The following DOCK9 variants were observed in gnomAD, a reference collection of about 807,000 sequenced individuals.
The protein encoded by DOCK9 is dedicator of cytokinesis 9.
DOCK9 carries 89 observed loss-of-function variants against 263.3 expected under a neutral mutation model. That is an observed-to-expected ratio of 0.34 (90% CI 0.28 to 0.40). The LOEUF is 0.40. Ranked by LOEUF, DOCK9 falls within the 10% of genes least tolerant of loss-of-function variation. The pLI, the probability that DOCK9 is intolerant of heterozygous loss-of-function variation, is 1.00. For missense variants in DOCK9, 2,140 were observed against 2,603.4 expected, an observed-to-expected ratio of 0.82 and a Z score of 3.87; for synonymous variants, 976 against 973.1, an observed-to-expected ratio of 1.00 and a Z score of -0.06.
rs374781717 is a variant in DOCK9, at chr13:98,977,780, T to C, written c.126+4A>G. 73 of 1,611,718 alleles carry C rather than the reference T, an allele frequency of 4.5e-5. No homozygotes were observed. Among genetic ancestry groups the C allele is most frequent in the African/African-American group, 2.9e-4 (22 of 74,914 alleles). On this transcript the variant is annotated splice_donor_region_variant and intron_variant, in intron 1 of 52. Coordinates refer to ENST00000682017, the MANE Select transcript of DOCK9 (RefSeq NM_001366683.2). ...CAGCAACACTTTGTACGAGACCCTC[T>C]TACCGGCACAGGGCCCGGGCTCTCT... is the stretch of plus-strand genomic sequence containing the variant.
chr13:98,858,840 A>G (rs1412401367), intron 33 of DOCK9: 2 of 152,208 alleles, frequency 1.3e-5, no homozygotes, highest in Admixed American at 6.5e-5. Context: ...GAAGTCCCCA[A>G]TCCTAACAAG....
chr13:98,886,706 C>T, intron 18 of DOCK9, 82 bp from the exon 19 acceptor site: 3 of 1,299,236 alleles, frequency 2.3e-6, no homozygotes, highest in Non-Finnish European at 3.3e-6. Context: ...AAGGAGGAGG[C>T]ATTCCTACGG....
chr13:98,820,718 G>A (rs1330171168), intron 45 of DOCK9: 4 of 412,956 alleles, frequency 9.7e-6, no homozygotes, highest in East Asian at 1.6e-4. Flanking sequence ...GAAAAATCAG[G>A]AACGCCTTTC....
chr13:98,877,576 T>C (rs1439122781), intron 27 of DOCK9, among the ~76,000 whole-genome samples: 1 of 152,136 alleles, frequency 6.6e-6, no homozygotes, highest in Non-Finnish European at 1.5e-5. Flanking sequence ...GTCCTCATTC[T>C]CCTTCTTCAC....
chr13:98,977,758 C>G, intron 1 of DOCK9, 26 bp downstream of exon 1: 2 of 1,609,114 alleles, frequency 1.2e-6, no homozygotes, highest in Non-Finnish European at 1.7e-6. Context: ...GTAGACACAG[C>G]AACACTTTGT....
chr13:99,016,058 G>C (rs1398468042), intron 1 of DOCK9: 2 of 153,326 alleles, frequency 1.3e-5, no homozygotes, highest in African/African-American at 4.8e-5. Flanking sequence ...GCTGCTGGGA[G>C]GCACAAAGAA....
intron 23 of DOCK9, 85 bp downstream of exon 23, chr13:98,882,957 G>A (rs1159811390): frequency 8.9e-7 from 1 of 1,129,122 alleles, no homozygotes; most frequent in Non-Finnish European, 1.3e-6. Flanking sequence ...CTTCCAAGGG[G>A]TGAGAACACC....
At chr13:99,055,721 C>T (rs966416394) in intron 1 of DOCK9, among the ~76,000 whole-genome samples, 1 of 151,830 alleles carries the variant, frequency 6.6e-6, no homozygotes, top group Admixed American at 6.6e-5. Context: ...TAATATTGCA[C>T]ACAGTTGTCA....
rs780126262 is a variant in DOCK9 at position 98,883,047 on chromosome 13, G to A, written c.2554C>T (p.Leu852Phe). Residue 852 changes from leucine (L) to phenylalanine (F), a missense_variant, in exon 23 of 53, where the codon CTT (leucine) becomes TTT (phenylalanine). Leu to Phe is a conservative substitution (Grantham distance 22). Around this residue, in one of 2 missense-constraint regions of DOCK9, gnomAD observed 1,521 missense variants for 1,741.7 expected, o/e 0.87. Transcript: ENST00000682017. The part of the protein sequence containing the change: ...QALGNELVKY[L>F]KSLHAMEGHV... ...CTAAGAAAGCCATGTGATACCTTAA[G>A]GTACTTTACAAGTTCGTTTCCTAAG... is the stretch of plus-strand genomic sequence containing the variant. The A allele has an allele frequency of 6.2e-7, 1 of 1,613,186 alleles. No homozygotes were observed. Among genetic ancestry groups the A allele is most frequent in the Non-Finnish European group, 8.5e-7 (1 of 1,179,634 alleles).
chr13:98,831,035 T>A (rs1455046136), intron 41 of DOCK9, among the ~76,000 whole-genome samples: 1 of 152,202 alleles, frequency 6.6e-6, no homozygotes. Flanking sequence ...GGGCTTCTTG[T>A]TCCTTACCTA....
intron 38 of DOCK9, among the ~76,000 whole-genome samples, chr13:98,841,204 AGACACGGGCT>A (rs2093198796): frequency 1.3e-5 from 2 of 152,216 alleles, no homozygotes; most frequent in African/African-American, 2.4e-5. Context: ...TGCCTTGTGG[AGACACGGGCT>A]GTAATCTAAG....
intron 38 of DOCK9, among the ~76,000 whole-genome samples, chr13:98,839,898 C>T (rs1251565639): frequency 6.6e-6 from 1 of 152,218 alleles, no homozygotes; most frequent in Non-Finnish European, 1.5e-5. Context: ...ATACAGACAT[C>T]GGTACGCTTG....
intron 1 of DOCK9, among the ~76,000 whole-genome samples, chr13:99,036,377 C>T (rs1057485844): frequency 1.3e-5 from 2 of 152,124 alleles, no homozygotes; most frequent in African/African-American, 4.8e-5. Context: ...AGCTTGCTAG[C>T]TCTCTGTCTG....
chr13:98,822,003 A>G (rs988590494), intron 45 of DOCK9, among the ~76,000 whole-genome samples: 1 of 152,108 alleles, frequency 6.6e-6, no homozygotes, highest in African/African-American at 2.4e-5. Flanking sequence ...CAATGCAAAA[A>G]CGTGCCTGGT....
At chr13:98,862,324 T>C (rs998489021) in intron 32 of DOCK9, among the ~76,000 whole-genome samples, 2 of 152,164 alleles carry the variant, frequency 1.3e-5, no homozygotes, top group Non-Finnish European at 2.9e-5. Context: ...TTCCATTATA[T>C]ATCTAAGATG....
chr13:98,922,071 C>A lies in DOCK9; in HGVS notation c.562G>T (p.Ala188Ser), dbSNP rs1485802218. The A allele has an allele frequency of 6.3e-7, 1 of 1,599,520 alleles. No homozygotes were observed. Among genetic ancestry groups the A allele is most frequent in the Non-Finnish European group, 8.5e-7 (1 of 1,173,668 alleles). ...GWLYKGNMNS[A>S]ISVTMRSFKR... ...CTCACCCTCATGGTCACGCTGATGG[C>A]ACTGTTCATGTTGCCTTTGTACAGC... The change falls in exon 6 of 53, where the codon GCC (alanine) becomes TCC (serine). Residue 188 changes from alanine to serine, a missense_variant. Physicochemically the swap from Ala to Ser is moderately conservative, Grantham distance 99. This residue lies in a region of DOCK9 where 1,521 missense variants were observed against 1,741.7 expected (regional missense o/e 0.87). Transcript: ENST00000682017.
intron 27 of DOCK9, chr13:98,872,118 G>C (rs1041574047): frequency 6.6e-6 from 1 of 152,398 alleles, no homozygotes; most frequent in Admixed American, 6.5e-5. Flanking sequence ...TGAGGACTTC[G>C]GAATGGTCTT....
In DOCK9 at chr13:98,879,946, T is replaced by C. The variant is rs1448341441; in HGVS notation, c.2895A>G (p.Val965=). 5 of 1,607,738 alleles carry C rather than the reference T, an allele frequency of 3.1e-6. No homozygotes were observed. The African/African-American group carries it at 4.0e-5, about 13-fold the overall frequency. The change falls in exon 27 of 53, where the codon GTA becomes GTG. Residue 965 remains valine, a synonymous_variant. Transcript: ENST00000682017. ...LLKYSWFFFD[V]LIKSMAQHLI... ...AATGCTGAGCCATAGATTTGATCAG[T>C]ACATCAAAGAAAAACCATGAGTACT...
At chr13:98,797,362 G>C (rs1299336951) in intron 51 of DOCK9, 27 bp downstream of exon 51, 2 of 1,610,662 alleles carry the variant, frequency 1.2e-6, no homozygotes, top group African/African-American at 1.3e-5. Context: ...TACTCGAAGA[G>C]AAAAAGATGC....
Sources: allele counts gnomAD v4.1 joint callset (sites outside exome capture counted in the v4.1 genomes callset), GRCh38; gene constraint gnomAD v4.1.1; regional missense constraint gnomAD v4.1.1; transcripts MANE v1.5; gene names NCBI Gene and HGNC (gene_info 2026-07-23, HGNC 2026-07-21).